ZNF536: variants seen among roughly 807,000 people sequenced by gnomAD.
ZNF536 encodes zinc finger protein 536.
Under a neutral mutation model 84.5 loss-of-function variants are expected in ZNF536, and 13 were observed. The ratio of observed to expected loss-of-function variants is 0.15; its 90% CI spans 0.10 to 0.24. ZNF536 has a LOEUF of 0.24. Among genes scored for constraint, ZNF536 ranks in the 10% least tolerant of loss-of-function variants. The pLI, the probability that ZNF536 is intolerant of heterozygous loss-of-function variation, is 1.00. For synonymous variants in ZNF536, 811 were observed against 742.5 expected, an observed-to-expected ratio of 1.09 and a Z score of -1.50; for missense variants, 1,536 against 1,747.5, an observed-to-expected ratio of 0.88 and a Z score of 2.16.
chr19:30,700,482 G>C (rs187612338), intron 1 of ZNF536, among the ~76,000 whole-genome samples: 82 of 152,002 alleles, frequency 5.4e-4, no homozygotes, highest in African/African-American at 1.8e-3. Flanking sequence ...CCAACTCTTG[G>C]GCTCAAGTGA....
At chr19:30,586,120 A>G (rs946951965) in intron 1 of ZNF536, among the ~76,000 whole-genome samples, 8 of 152,214 alleles carry the variant, frequency 5.3e-5, no homozygotes, top group Non-Finnish European at 8.8e-5. Context: ...TGGGCAAGTT[A>G]CAAGCTATTT....
intron 1 of ZNF536, among the ~76,000 whole-genome samples, chr19:30,248,032 C>T (rs914948372): frequency 2.0e-5 from 3 of 152,108 alleles, no homozygotes; most frequent in Non-Finnish European, 4.4e-5. Context: ...AGGAAGTGAA[C>T]CGACCTGGCC....
intron 1 of ZNF536, among the ~76,000 whole-genome samples, chr19:30,626,364 T>G (rs927062990): frequency 1.7e-4 from 26 of 152,190 alleles, no homozygotes; most frequent in Non-Finnish European, 3.4e-4. Context: ...GGGTTATTTT[T>G]TTTTTCTTTT....
chr19:30,336,308 T>C (rs2047382684), intron 2 of ZNF536, among the ~76,000 whole-genome samples: 1 of 152,176 alleles, frequency 6.6e-6, no homozygotes, highest in South Asian at 2.1e-4. Context: ...TCACTTTTGT[T>C]TCTCCAGCGC....
chr19:30,302,843 G>A (rs1025125429), intron 2 of ZNF536, among the ~76,000 whole-genome samples: 12 of 152,176 alleles, frequency 7.9e-5, no homozygotes, highest in Middle Eastern at 3.4e-3. Context: ...TGCAGCAGAC[G>A]CAGTGCACCA....
rs1265477897 is a variant in ZNF536, at chr19:30,548,858, C to T, written c.3239C>T (p.Ala1080Val). 1 of 1,614,162 alleles carries T rather than the reference C, an allele frequency of 6.2e-7. No homozygotes were observed. Among genetic ancestry groups the T allele is most frequent in the African/African-American group, 1.3e-5 (1 of 75,062 alleles). The change falls in exon 4 of 5, where the codon GCC becomes GTC. Residue 1080 changes from alanine to valine, a missense_variant. Ala to Val is a moderately conservative substitution (Grantham distance 64). Around this residue, in one of 8 missense-constraint regions of ZNF536, gnomAD observed 624 missense variants for 603.1 expected, o/e 1.03. Transcript: ENST00000355537. ...CTAGACTCTGCTTCTGAGAAGATGG[C>T]CCAAGGTCAGCTCAAGGAGACTCTG... The part of the protein sequence containing the change: ...SSLDSASEKM[A>V]QGQLKETLGE...
chr19:30,318,081 G>A (rs749801772), intron 2 of ZNF536, among the ~76,000 whole-genome samples: 2 of 152,274 alleles, frequency 1.3e-5, no homozygotes, highest in East Asian at 1.9e-4. Context: ...GCCAAGTGTC[G>A]GCACATCCGG....
rs200663707 is a variant in ZNF536 at position 30,534,920 on chromosome 19, G to C, written c.2244G>C (p.Ser748=). The C allele has an allele frequency of 1.2e-5, 19 of 1,613,932 alleles. No individual in the cohort carries two copies. In the East Asian group the frequency reaches 4.0e-4, roughly 34 times the overall value. ...TGCTTCGCGACAGAAGCCTGGGCTC[G>C]GCCATGAAGGACTGCCCGTACTGTG... ...PALLRDRSLG[S]AMKDCPYCGK... Residue 748 remains serine (S), a synonymous_variant, in exon 3 of 5, where the codon TCG becomes TCC. Coordinates refer to ENST00000355537, the MANE Select transcript of ZNF536 (RefSeq NM_014717.3).
At chr19:30,586,484 C>T (rs2047098995) in intron 1 of ZNF536, among the ~76,000 whole-genome samples, 1 of 152,214 alleles carries the variant, frequency 6.6e-6, no homozygotes, top group African/African-American at 2.4e-5. Context: ...ATAAGAGCAC[C>T]TTTTGAAAAT....
chr19:30,380,337 T>C (rs2048974591), intron 1 of ZNF536, among the ~76,000 whole-genome samples: 1 of 152,082 alleles, frequency 6.6e-6, no homozygotes, highest in Non-Finnish European at 1.5e-5. Context: ...GGAAACTTCG[T>C]CCTTGCAAAT....
intron 1 of ZNF536, among the ~76,000 whole-genome samples, chr19:30,611,289 T>C (rs62103423): frequency 0.36 from 55,156 of 151,928 alleles, 10,246 homozygotes; most frequent in Middle Eastern, 0.47. Flanking sequence ...TGGCAACATA[T>C]GTGGCCACAG....
chr19:30,461,486 C>A (rs1332142134), intron 2 of ZNF536, among the ~76,000 whole-genome samples: 2 of 152,172 alleles, frequency 1.3e-5, no homozygotes. Flanking sequence ...AGCACTTACT[C>A]CCTTGGTGAT....
chr19:30,338,664 CTCA>C (rs1292767055), intron 2 of ZNF536, among the ~76,000 whole-genome samples: 2 of 152,104 alleles, frequency 1.3e-5, no homozygotes, highest in Non-Finnish European at 2.9e-5. Flanking sequence ...CCCCAGTTCC[CTCA>C]TATCTGCAGG....
intron 1 of ZNF536, among the ~76,000 whole-genome samples, chr19:30,706,936 G>A (rs2052261653): frequency 6.6e-6 from 1 of 152,140 alleles, no homozygotes; most frequent in Non-Finnish European, 1.5e-5. Context: ...AGGTTTCCCG[G>A]TGTCTTGCTC....
chr19:30,395,443 G>A (rs1391588860), intron 1 of ZNF536, among the ~76,000 whole-genome samples: 4 of 152,208 alleles, frequency 2.6e-5, no homozygotes, highest in Non-Finnish European at 4.4e-5. Context: ...TGGTCTGAAT[G>A]TGTCAGAGTG....
intron 2 of ZNF536, among the ~76,000 whole-genome samples, chr19:30,526,961 C>T (rs922549429): frequency 4.6e-5 from 7 of 152,002 alleles, no homozygotes; most frequent in Non-Finnish European, 1.0e-4. Flanking sequence ...CTCTGTCACC[C>T]AGGCTGGAGT....
At chr19:30,561,422 T>C (rs1897008980), downstream of ZNF536, among the ~76,000 whole-genome samples, 2 of 151,914 alleles carry the variant, frequency 1.3e-5, no homozygotes, top group South Asian at 2.1e-4. Context: ...AGTAGAGGGG[T>C]CGTTAGTCCT....
chr19:30,606,883 T>C (rs1189511454), intron 1 of ZNF536, among the ~76,000 whole-genome samples: 1 of 152,038 alleles, frequency 6.6e-6, no homozygotes, highest in Non-Finnish European at 1.5e-5. Context: ...AGGGTTCTTG[T>C]CAATCCTCGA....
chr19:30,712,036 T>TTTC (rs1302105776), exon 2 of ZNF536: 1 of 127,806 alleles, frequency 7.8e-6, no homozygotes, highest in Admixed American at 8.6e-5. Flanking sequence ...CAGCAAGCTC[T>TTTC]TATGAAATAG....
Sources: allele counts gnomAD v4.1 joint callset (sites outside exome capture counted in the v4.1 genomes callset), GRCh38; gene constraint gnomAD v4.1.1; regional missense constraint gnomAD v4.1.1; transcripts MANE v1.5; gene names NCBI Gene and HGNC (gene_info 2026-07-23, HGNC 2026-07-21).